Variants in KMO observed in about 807,000 individuals in gnomAD.
KMO encodes kynurenine 3-monooxygenase.
In KMO, 24 loss-of-function variants were observed where a neutral mutation model predicts 57.8. The observed-to-expected ratio is 0.42, with a 90% CI of 0.30 to 0.58. The LOEUF is 0.58. KMO is among the 20% of genes least tolerant of loss of function. The pLI is 0.22. For missense variants in KMO, 483 were observed against 588.2 expected (o/e 0.82, Z 1.85); for synonymous variants, 210 against 193.6 (o/e 1.08, Z -0.70).
intron 9 of KMO, among the ~76,000 whole-genome samples, chr1:241,567,566 G>C (rs542164283): frequency 6.6e-6 from 1 of 152,298 alleles, no homozygotes; most frequent in East Asian, 1.9e-4. Flanking sequence ...AGCAGAGCAA[G>C]ATTTTCACAC....
intron 10 of KMO, among the ~76,000 whole-genome samples, chr1:241,575,768 T>C (rs1247873153): frequency 6.6e-6 from 1 of 152,104 alleles, no homozygotes; most frequent in Non-Finnish European, 1.5e-5. Flanking sequence ...GAATGTTCTG[T>C]AAATATCTGT....
intron 10 of KMO, among the ~76,000 whole-genome samples, chr1:241,584,328 T>C (rs1662879523): frequency 6.6e-6 from 1 of 152,180 alleles, no homozygotes; most frequent in South Asian, 2.1e-4. Flanking sequence ...AGAAAGGTGA[T>C]TGTTAAAAAG....
intron 4 of KMO, among the ~76,000 whole-genome samples, chr1:241,554,227 T>TTCCTTCC (rs1661517235): frequency 2.3e-5 from 3 of 132,036 alleles, no homozygotes; most frequent in Non-Finnish European, 3.2e-5. Context: ...AATACTTTTC[T>TTCCTTCC]TTCCTTCCTT....
intron 4 of KMO, among the ~76,000 whole-genome samples, chr1:241,554,660 GTTTATT>G (rs1661542574): frequency 6.8e-6 from 1 of 147,716 alleles, no homozygotes; most frequent in Non-Finnish European, 1.5e-5. Context: ...TTTGATTTTA[GTTTATT>G]TTTAAGTCAG....
At chr1:241,571,820 T>C (rs1463080668) in intron 10 of KMO, among the ~76,000 whole-genome samples, 4 of 151,256 alleles carry the variant, frequency 2.6e-5, no homozygotes, top group African/African-American at 9.7e-5. Context: ...GAAGTATTCC[T>C]CCTCAATGTT....
chr1:241,574,480 G>C (rs1013850253), intron 10 of KMO, among the ~76,000 whole-genome samples: 5 of 151,012 alleles, frequency 3.3e-5, no homozygotes, highest in Admixed American at 1.3e-4. Context: ...ATCATAAAGT[G>C]ATTCTGGATT....
chr1:241,579,803 T>A (rs766593852), intron 10 of KMO, among the ~76,000 whole-genome samples: 2 of 152,162 alleles, frequency 1.3e-5, no homozygotes, highest in African/African-American at 4.8e-5. Flanking sequence ...AGTTCAACCC[T>A]GCTCGAGATT....
rs1161942678 is a variant in KMO at position 241,560,757 on chromosome 1, C to T, written c.449+5C>T. Reference sequence around the variant, plus strand: ...AGGAATGATCACAGTGCTTGGGTAACTACGGGTCAGGTTTTGGACTTCAGA... The same window carrying T: ...AGGAATGATCACAGTGCTTGGGTAATTACGGGTCAGGTTTTGGACTTCAGA... On this transcript the variant is annotated splice_donor_5th_base_variant and intron_variant, in intron 6 of 14. Coordinates refer to ENST00000366559, the MANE Select transcript of KMO (RefSeq NM_003679.5). The T allele has an allele frequency of 2.5e-6, 4 of 1,606,136 alleles. No homozygotes were observed. Among genetic ancestry groups the T allele is most frequent in the Non-Finnish European group, 3.4e-6 (4 of 1,172,706 alleles).
intron 1 of KMO, among the ~76,000 whole-genome samples, chr1:241,546,134 C>T (rs1203488277): frequency 6.6e-6 from 1 of 152,072 alleles, no homozygotes; most frequent in Non-Finnish European, 1.5e-5. Context: ...GCCCTTGGAT[C>T]ATTGGTTTCC....
chr1:241,565,650 G>A (rs886155796), intron 8 of KMO, among the ~76,000 whole-genome samples: 10 of 151,500 alleles, frequency 6.6e-5, no homozygotes, highest in African/African-American at 1.9e-4. Flanking sequence ...CTTGAGCCCC[G>A]AAGATGGAGG....
At chr1:241,580,426 C>T (rs1013000450) in intron 10 of KMO, among the ~76,000 whole-genome samples, 1 of 152,056 alleles carries the variant, frequency 6.6e-6, no homozygotes, top group African/African-American at 2.4e-5. Flanking sequence ...CTTTAGGATA[C>T]AATTGTTAGG....
rs1205967195 is a variant in KMO at position 241,590,261 on chromosome 1, A to T, written c.1258A>T (p.Lys420Ter). 1 of 1,611,880 alleles carries T rather than the reference A, an allele frequency of 6.2e-7. No homozygotes were observed. Residue 420 changes from lysine to a stop codon, truncating the protein, a stop_gained and splice_region_variant, in exon 14 of 15, where the codon AAG (lysine) becomes TAG (stop). Transcript: ENST00000366559. LOFTEE classifies it low-confidence loss of function (END_TRUNC). ...TGTGCAGCGTTGGCATTGGCAAAAA[A>T]AGGTTGGAACAGTTACATTTTATTT... ...EAVQRWHWQK[K>*]VINKGLFFLG...
At chr1:241,569,985 T>C (rs1386630349) in intron 10 of KMO, among the ~76,000 whole-genome samples, 2 of 152,020 alleles carry the variant, frequency 1.3e-5, no homozygotes, top group Admixed American at 1.3e-4. Flanking sequence ...TTATTTTTAT[T>C]ATTTTATTAT....
chr1:241,542,732 G>C (rs11805494), intron 1 of KMO, among the ~76,000 whole-genome samples: 43,532 of 152,180 alleles, frequency 0.29, 7,473 homozygotes, highest in Non-Finnish European at 0.39. Flanking sequence ...TTATGCTCAG[G>C]AACCCAGCTG....
intron 5 of KMO, among the ~76,000 whole-genome samples, chr1:241,559,811 T>C (rs544629412): frequency 6.6e-6 from 1 of 152,324 alleles, no homozygotes; most frequent in Non-Finnish European, 1.5e-5. Context: ...AGTTTGGTCC[T>C]TAATTTTTTC....
intron 5 of KMO, among the ~76,000 whole-genome samples, chr1:241,559,637 A>G (rs1661764844): frequency 6.6e-6 from 1 of 152,176 alleles, no homozygotes; most frequent in African/African-American, 2.4e-5. Context: ...AAACTGAAAC[A>G]AAAAAGAGTA....
chr1:241,556,214 A>G (rs1234141737), intron 5 of KMO, among the ~76,000 whole-genome samples: 1 of 152,232 alleles, frequency 6.6e-6, no homozygotes, highest in Non-Finnish European at 1.5e-5. Flanking sequence ...GCTCACTGTA[A>G]CTTCGAAATC....
rs899640573 is a variant in KMO at position 241,595,153 on chromosome 1, AT to A, written c.*3010del. The A allele has an allele frequency of 9.2e-5, 14 of 152,068 alleles. No individual in the cohort carries two copies. The highest frequency in any genetic ancestry group is 2.2e-4 in the African/African-American group (9 of 41,144). 9.4% of individuals were successfully genotyped at this position (152,068 alleles called of 1,614,324 possible). A position where few individuals can be genotyped will look rare whatever the true frequency, so the allele number is the denominator to read the frequency against. Reference sequence around the variant, plus strand: ...TAATGTCTCTTTAATTAGGTGAAGAATTTTTTTTTTCTATCGAAATTACTAA... The same window carrying A: ...TAATGTCTCTTTAATTAGGTGAAGAATTTTTTTTTCTATCGAAATTACTAA... On this transcript the variant is annotated 3_prime_UTR_variant, in exon 15 of 15. Transcript: ENST00000366559.
At chr1:241,550,658 T>A (rs1374923608) in intron 3 of KMO, among the ~76,000 whole-genome samples, 1 of 152,170 alleles carries the variant, frequency 6.6e-6, no homozygotes, top group Non-Finnish European at 1.5e-5. Context: ...TTTGTCATGA[T>A]GAGAAAATCA....
Sources: allele counts gnomAD v4.1 joint callset (sites outside exome capture counted in the v4.1 genomes callset), GRCh38; gene constraint gnomAD v4.1.1; transcripts MANE v1.5; gene names NCBI Gene and HGNC (gene_info 2026-07-23, HGNC 2026-07-21).